Variants in HAPLN1 observed in about 807,000 individuals in gnomAD.
The protein encoded by HAPLN1 is Cartilage link protein.
Under a neutral mutation model 36.5 loss-of-function variants are expected in HAPLN1, and 13 were observed. The observed-to-expected ratio is 0.36, with a 90% CI of 0.23 to 0.57. HAPLN1 has a LOEUF of 0.57. HAPLN1 is among the 20% of genes least tolerant of loss of function. The pLI is 0.83. For missense variants in HAPLN1, 407 were observed against 439.7 expected (o/e 0.93, Z 0.66); for synonymous variants, 202 against 169.8 (o/e 1.19, Z -1.48).
At chr5:83,678,974 G>A (rs1397442220) in intron 1 of HAPLN1, among the ~76,000 whole-genome samples, 2 of 152,164 alleles carry the variant, frequency 1.3e-5, no homozygotes. Context: ...ATTTGGCAGG[G>A]TGTGGAGAAA....
chr5:83,641,330 T>G lies in HAPLN1; in HGVS notation c.*166A>C, dbSNP rs868664286. ...TTATAATATATATTGAATGATAGCT[T>G]TACAAAAAACAAATCAATGAATTGA... is the stretch of plus-strand genomic sequence containing the variant. On this transcript the variant is annotated 3_prime_UTR_variant, in exon 5 of 5. Coordinates refer to ENST00000274341, the MANE Select transcript of HAPLN1 (RefSeq NM_001884.4). 4.1e-6 allele frequency: 2 copies of G among 487,426 alleles called. No homozygotes were observed. The highest frequency in any genetic ancestry group is 5.9e-4 in the Middle Eastern group (1 of 1,702). The allele number at this position is 487,426 out of a possible 1,614,324, so 30.2% of individuals were successfully genotyped here. A position where few individuals can be genotyped will look rare whatever the true frequency, so the allele number is the denominator to read the frequency against.
At chr5:83,644,210 C>T (rs545214621) in intron 4 of HAPLN1, among the ~76,000 whole-genome samples, 153 bp downstream of exon 4, 1 of 152,246 alleles carries the variant, frequency 6.6e-6, no homozygotes, top group East Asian at 1.9e-4. Flanking sequence ...TTATGACACT[C>T]AAGAACTTTT....
At chr5:83,652,859 T>A (rs991351621) in intron 2 of HAPLN1, 35 bp from the exon 3 acceptor site, 1 of 1,490,492 alleles carries the variant, frequency 6.7e-7, no homozygotes, top group African/African-American at 1.4e-5. Flanking sequence ...AGAAAATAAC[T>A]ATTAATATAC....
At chr5:83,711,491 A>G (rs1163963534) in intron 1 of HAPLN1, among the ~76,000 whole-genome samples, 2 of 152,164 alleles carry the variant, frequency 1.3e-5, no homozygotes, top group Non-Finnish European at 2.9e-5. Context: ...GACATGGAGA[A>G]CGCTGGCAAG....
chr5:83,718,220 T>C (rs946286319), intron 1 of HAPLN1, among the ~76,000 whole-genome samples: 1 of 152,250 alleles, frequency 6.6e-6, no homozygotes, highest in Admixed American at 6.5e-5. Flanking sequence ...AGGGATTTCA[T>C]AAACTGTTTA....
At chr5:83,711,789 A>T (rs1751790276) in intron 1 of HAPLN1, among the ~76,000 whole-genome samples, 1 of 152,068 alleles carries the variant, frequency 6.6e-6, no homozygotes, top group African/African-American at 2.4e-5. Flanking sequence ...TATTGTCTTG[A>T]TATATATAAA....
In HAPLN1 at chr5:83,641,758, G is replaced by A. The variant is rs539983751; in HGVS notation, c.803C>T (p.Thr268Ile). The change falls in exon 5 of 5, where the codon ACC becomes ATC. Residue 268 changes from threonine to isoleucine, a missense_variant. Physicochemically the swap from Thr to Ile is moderately conservative, Grantham distance 89. Transcript: ENST00000274341. ...CACCGCTTCATCATAGGTCAGTTTGGTGGGGTGGATCAGATAGTAAAAACG... is the reference window on the plus strand; with the variant it reads ...CACCGCTTCATCATAGGTCAGTTTGATGGGGTGGATCAGATAGTAAAAACG... ...NGRFYYLIHP[T>I]KLTYDEAVQA... is the part of the protein sequence containing the mutation. The A allele has an allele frequency of 1.9e-5, 30 of 1,614,118 alleles. No homozygotes were observed. In the East Asian group the frequency reaches 5.8e-4, roughly 31 times the overall value.
At chr5:83,662,984 C>T (rs16900701) in intron 2 of HAPLN1, among the ~76,000 whole-genome samples, 101,086 of 152,130 alleles carry the variant, frequency 0.66, 33,714 homozygotes, top group African/African-American at 0.74. Context: ...CATGAATCAA[C>T]AGCCTACAAT....
intron 2 of HAPLN1, among the ~76,000 whole-genome samples, chr5:83,657,697 T>C (rs2112574543): frequency 6.6e-6 from 1 of 152,146 alleles, no homozygotes; most frequent in East Asian, 1.9e-4. Flanking sequence ...CTTTTTAAAA[T>C]GAATTGAGGA....
chr5:83,687,581 T>C (rs971167523), intron 1 of HAPLN1, among the ~76,000 whole-genome samples: 1 of 152,224 alleles, frequency 6.6e-6, no homozygotes, highest in Non-Finnish European at 1.5e-5. Context: ...GTCACACTAA[T>C]GTGATGAGAT....
At chr5:83,698,702 T>C (rs13356916) in intron 1 of HAPLN1, among the ~76,000 whole-genome samples, 42,896 of 152,036 alleles carry the variant, frequency 0.28, 6,624 homozygotes, top group East Asian at 0.41. Flanking sequence ...GCAAATATTG[T>C]CAAAAATTCT....
chr5:83,641,916 A>G, intron 4 of HAPLN1, 131 bp from the exon 5 acceptor site: 1 of 937,760 alleles, frequency 1.1e-6, no homozygotes, highest in Non-Finnish European at 1.6e-6. Flanking sequence ...TTTTGGGAAC[A>G]TAGAAATGTC....
In HAPLN1 at chr5:83,646,338, T is replaced by C. The variant is rs568843663; in HGVS notation, c.473-1673A>G. ...AACATTTGTCCCACTGACACAGTAA[T>C]TTGGTGAGTTATAGCACATGTGCTA... is the stretch of plus-strand genomic sequence containing the variant. On this transcript the variant is annotated intron_variant, in intron 3 of 4. Coordinates refer to ENST00000274341, the MANE Select transcript of HAPLN1 (RefSeq NM_001884.4). Among the ~76,000 whole-genome samples, 253 of 152,330 alleles carry C rather than the reference T, an allele frequency of 1.7e-3. 2 individuals are homozygous for C. Among genetic ancestry groups the C allele is most frequent in the African/African-American group, 5.9e-3 (245 of 41,582 alleles).
At chr5:83,691,395 C>T (rs536542482) in intron 1 of HAPLN1, among the ~76,000 whole-genome samples, 2 of 152,062 alleles carry the variant, frequency 1.3e-5, no homozygotes, top group Non-Finnish European at 1.5e-5. Flanking sequence ...AAAAATGATC[C>T]TAAAGGATTA....
At position 83,674,315 on chromosome 5, in the gene HAPLN1, A is replaced by G. The variant is rs892573084; in HGVS notation, c.-26-766T>C. ...CTGCAGTCAGCGGATCCACGGCTGC[A>G]GGGAACGTCCCTGCCAGCCTCCCAG... On this transcript the variant is annotated intron_variant, in intron 1 of 4. Transcript: ENST00000274341. 4.6e-5 allele frequency: 7 copies of G among 152,346 alleles called. 1 individual carries two copies. Among genetic ancestry groups the G allele is most frequent in the Admixed American group, 4.6e-4 (7 of 15,296 alleles). 9.4% of individuals were successfully genotyped at this position (152,346 alleles called of 1,614,324 possible).
At chr5:83,695,709 T>C (rs904153881) in intron 1 of HAPLN1, among the ~76,000 whole-genome samples, 6 of 149,852 alleles carry the variant, frequency 4.0e-5, no homozygotes, top group African/African-American at 1.5e-4. Flanking sequence ...GGAAAAGTAT[T>C]TCACATAATC....
At chr5:83,666,484 T>A (rs1750553946) in intron 2 of HAPLN1, among the ~76,000 whole-genome samples, 1 of 152,164 alleles carries the variant, frequency 6.6e-6, no homozygotes, top group Non-Finnish European at 1.5e-5. Context: ...TAGTATGGAT[T>A]TGTTACTACC....
intron 1 of HAPLN1, among the ~76,000 whole-genome samples, chr5:83,682,725 T>C (rs1469059451): frequency 6.6e-6 from 1 of 152,224 alleles, no homozygotes; most frequent in Non-Finnish European, 1.5e-5. Context: ...GAAAATACAA[T>C]ATCTTCCAAT....
intron 1 of HAPLN1, among the ~76,000 whole-genome samples, chr5:83,705,595 T>C (rs996314171): frequency 1.3e-5 from 2 of 152,066 alleles, no homozygotes; most frequent in African/African-American, 2.4e-5. Context: ...GGGAAAGTCA[T>C]AGCACTAATT....
Sources: gnomAD v4.1 joint callset for allele counts (sites outside exome capture counted in the v4.1 genomes callset) on GRCh38, gnomAD v4.1.1 for gene constraint, MANE v1.5 for transcripts, NCBI Gene and HGNC (gene_info 2026-07-23, HGNC 2026-07-21) for gene names.